The following MRPS35 variants were observed in gnomAD, a reference collection of about 807,000 sequenced individuals.
MRPS35 encodes small ribosomal subunit protein mS35.
In MRPS35, 29 loss-of-function variants were observed where a neutral mutation model predicts 32.7. The ratio of observed to expected loss-of-function variants is 0.89; its 90% confidence interval spans 0.66 to 1.21. The LOEUF (loss-of-function observed/expected upper bound fraction) is 1.21, where lower values mean the gene tolerates loss of function less well. MRPS35 is among the 50% of genes most tolerant of loss of function. The pLI is 0.00. For synonymous variants in MRPS35, 148 were observed against 139.3 expected (o/e 1.06, Z -0.44); for missense variants, 373 against 383.8 (o/e 0.97, Z 0.23).
intron 4 of MRPS35, 122 bp downstream of exon 4, chr12:27,719,990 A>C: frequency 1.4e-6 from 1 of 707,796 alleles, no homozygotes; most frequent in Non-Finnish European, 2.4e-6. Context: ...TTACATGTCA[A>C]GTCTGCAAAT....
intron 7 of MRPS35, among the ~76,000 whole-genome samples, chr12:27,747,548 A>AT (rs1231877760): frequency 6.6e-6 from 1 of 152,108 alleles, no homozygotes; most frequent in South Asian, 2.1e-4. Context: ...GCCTCTTCGT[A>AT]TTTTTTATGA....
At chr12:27,731,859 G>A (rs528757304) in intron 5 of MRPS35, among the ~76,000 whole-genome samples, 63 of 152,250 alleles carry the variant, frequency 4.1e-4, no homozygotes, top group Middle Eastern at 6.8e-3. Context: ...GTGAGCCACC[G>A]CACCTGGCCT....
chr12:27,751,524 G>A (rs1407517125), intron 7 of MRPS35, among the ~76,000 whole-genome samples: 1 of 152,138 alleles, frequency 6.6e-6, no homozygotes, highest in Non-Finnish European at 1.5e-5. Flanking sequence ...CCTTTATCTC[G>A]GCGGTTTGCT....
intron 5 of MRPS35, among the ~76,000 whole-genome samples, chr12:27,729,641 A>T (rs905960546): frequency 6.6e-6 from 1 of 152,136 alleles, no homozygotes; most frequent in Non-Finnish European, 1.5e-5. Flanking sequence ...GAATTATTGA[A>T]GTCATAAATT....
intron 7 of MRPS35, among the ~76,000 whole-genome samples, chr12:27,749,138 ATT>A (rs10706615): frequency 1.2e-4 from 18 of 151,494 alleles, no homozygotes; most frequent in African/African-American, 3.4e-4. Flanking sequence ...ATTATGGATG[ATT>A]TTTTTTTTCT....
At chr12:27,736,317 G>A (rs2061942944) in intron 6 of MRPS35, among the ~76,000 whole-genome samples, 1 of 152,130 alleles carries the variant, frequency 6.6e-6, no homozygotes, top group South Asian at 2.1e-4. Context: ...ACAGTGTGGA[G>A]GCAGAAAAAG....
intron 5 of MRPS35, among the ~76,000 whole-genome samples, chr12:27,727,438 T>TAA (rs2061904860): frequency 6.6e-6 from 1 of 152,136 alleles, no homozygotes; most frequent in African/African-American, 2.4e-5. Context: ...TTACAGTTGT[T>TAA]ACAGTATTTA....
In MRPS35 at chr12:27,735,497, T is replaced by G. The variant is rs773403191; in HGVS notation, c.573T>G (p.Ile191Met). ...ATGATCACGCAAAGAAGAAATTAAT[T>G]AAACTTGTAGGAGAGCGATACTGCA... ...NLDDHAKKKLIKLVGERYCKT... is the reference protein window; with the variant it reads ...NLDDHAKKKLMKLVGERYCKT... The change falls in exon 6 of 8, where the codon ATT becomes ATG. Residue 191 changes from isoleucine to methionine, a missense_variant. By Grantham distance (10) the Ile-to-Met change is conservative. Transcript: ENST00000081029. 6.2e-7 allele frequency: 1 copy of G among 1,612,320 alleles called. No homozygotes were observed. Among genetic ancestry groups the G allele is most frequent in the South Asian group, 1.1e-5 (1 of 90,478 alleles).
At chr12:27,724,384 A>G (rs140315078) in intron 5 of MRPS35, among the ~76,000 whole-genome samples, 198 bp downstream of exon 5, 6 of 152,192 alleles carry the variant, frequency 3.9e-5, no homozygotes, top group African/African-American at 1.2e-4. Context: ...AAAAATAAAG[A>G]AAGAAATTGA....
At chr12:27,736,240 G>A (rs2140772275) in intron 6 of MRPS35, among the ~76,000 whole-genome samples, 1 of 152,304 alleles carries the variant, frequency 6.6e-6, no homozygotes, top group Admixed American at 6.5e-5. Flanking sequence ...GGAGGTGTCA[G>A]TATCGATTAG....
In MRPS35 at chr12:27,755,535, T is replaced by G; in HGVS notation, c.*85T>G. On this transcript the variant is annotated 3_prime_UTR_variant, in exon 8 of 8. Transcript: ENST00000081029. ...TAATTTGATATAAAATTGAAAATGT[T>G]AAAAAATCATTTTTTTTCCTCAGAG... is the stretch of plus-strand genomic sequence containing the variant. The G allele has an allele frequency of 1.6e-6, 2 of 1,275,782 alleles. No individual in the cohort carries two copies. Among genetic ancestry groups the G allele is most frequent in the Non-Finnish European group, 2.1e-6 (2 of 957,028 alleles). 79.0% of individuals were successfully genotyped at this position (1,275,782 alleles called of 1,614,324 possible).
intron 5 of MRPS35, among the ~76,000 whole-genome samples, chr12:27,725,871 T>C (rs2061897861): frequency 6.8e-6 from 1 of 147,100 alleles, no homozygotes; most frequent in Admixed American, 6.8e-5. Context: ...AGTGGCGCGA[T>C]CTTGGCTCAC....
intron 6 of MRPS35, among the ~76,000 whole-genome samples, chr12:27,736,147 A>G (rs1391146202): frequency 6.6e-6 from 1 of 152,232 alleles, no homozygotes; most frequent in Non-Finnish European, 1.5e-5. Context: ...AAATTATGTC[A>G]AAATATAAAA....
intron 3 of MRPS35, 95 bp downstream of exon 3, chr12:27,716,553 T>C (rs1019368731): frequency 8.6e-6 from 10 of 1,169,274 alleles, no homozygotes; most frequent in Non-Finnish European, 1.2e-5. Flanking sequence ...CACCGTTCAG[T>C]GTATAGCAGC....
At chr12:27,747,082 A>T (rs145794437) in intron 7 of MRPS35, among the ~76,000 whole-genome samples, 2,045 of 152,296 alleles carry the variant, frequency 0.013, 36 homozygotes, top group Non-Finnish European at 0.016. Flanking sequence ...CATTCACAGC[A>T]ATTTGCCACC....
intron 7 of MRPS35, among the ~76,000 whole-genome samples, chr12:27,748,982 C>T (rs888497773): frequency 2.6e-5 from 4 of 152,062 alleles, no homozygotes; most frequent in African/African-American, 7.2e-5. Context: ...AGTGAGACTC[C>T]ACCTCTTTGA....
chr12:27,753,727 G>A (rs1376593844), intron 7 of MRPS35, among the ~76,000 whole-genome samples: 1 of 152,106 alleles, frequency 6.6e-6, no homozygotes. Flanking sequence ...GAAAAAAAAT[G>A]TGACTAGTAT....
chr12:27,714,651 A>AT, intron 1 of MRPS35, 129 bp from the exon 2 acceptor site: 3 of 670,470 alleles, frequency 4.5e-6, no homozygotes, highest in Non-Finnish European at 7.1e-6. Flanking sequence ...AAAAAAAAAA[A>AT]GATTGTTTCA....
intron 7 of MRPS35, among the ~76,000 whole-genome samples, chr12:27,751,122 A>AAAAAAAG (rs1565472346): frequency 8.1e-5 from 12 of 148,450 alleles, no homozygotes; most frequent in African/African-American, 1.5e-4. Flanking sequence ...AAAAAAAAAA[A>AAAAAAAG]AAAAGAAAAG....
Sources: allele counts gnomAD v4.1 joint callset (sites outside exome capture counted in the v4.1 genomes callset), GRCh38; gene constraint gnomAD v4.1.1; transcripts MANE v1.5; gene names NCBI Gene and HGNC (gene_info 2026-07-23, HGNC 2026-07-21).